The following NREP variants were observed in gnomAD, a reference collection of about 807,000 sequenced individuals.
NREP encodes neuronal regeneration-related protein.
A neutral mutation model predicts 8.6 loss-of-function variants in NREP; 5 were observed. That is an observed-to-expected ratio of 0.58 (90% CI 0.30 to 1.22). The LOEUF is 1.22. Among genes scored for constraint, NREP ranks in the 50% most tolerant of loss-of-function variants. The pLI is 0.07. For synonymous variants in NREP, 27 were observed against 28.0 expected, an observed-to-expected ratio of 0.96 and a Z score of 0.11; for missense variants, 86 against 82.5, an observed-to-expected ratio of 1.04 and a Z score of -0.17.
At chr5:111,786,746 G>C (rs1310499407) in intron 2 of NREP, among the ~76,000 whole-genome samples, 2 of 152,154 alleles carry the variant, frequency 1.3e-5, no homozygotes, top group Non-Finnish European at 2.9e-5. Flanking sequence ...AGGATCTTTT[G>C]AGATTTATCA....
chr5:111,913,313 C>G (rs1754965425), intron 2 of NREP, among the ~76,000 whole-genome samples: 1 of 152,086 alleles, frequency 6.6e-6, no homozygotes, highest in African/African-American at 2.4e-5. Flanking sequence ...AAATATCCTT[C>G]TAAAATTTTT....
At chr5:111,837,921 T>C (rs1752935272) in intron 2 of NREP, among the ~76,000 whole-genome samples, 1 of 152,000 alleles carries the variant, frequency 6.6e-6, no homozygotes, top group Non-Finnish European at 1.5e-5. Context: ...ATATAATACT[T>C]TCTACTGTTA....
chr5:111,875,099 A>G (rs17133840), intron 2 of NREP, among the ~76,000 whole-genome samples: 2,479 of 152,306 alleles, frequency 0.016, 43 homozygotes, highest in African/African-American at 0.041. Context: ...AAATGGGGAT[A>G]AGCAGTGAAA....
At chr5:111,742,665 G>T (rs995014066) in intron 2 of NREP, among the ~76,000 whole-genome samples, 1 of 152,206 alleles carries the variant, frequency 6.6e-6, no homozygotes, top group Middle Eastern at 3.4e-3. Context: ...CATTCATTAC[G>T]TGAGTTTTCT....
chr5:111,741,591 T>A (rs1749668155), intron 2 of NREP, among the ~76,000 whole-genome samples: 1 of 152,126 alleles, frequency 6.6e-6, no homozygotes, highest in African/African-American at 2.4e-5. Context: ...GACGTAGTCT[T>A]AGAGATCTGC....
chr5:111,735,629 A>C (rs1319732979), intron 2 of NREP, 122 bp from the exon 3 acceptor site: 2 of 644,600 alleles, frequency 3.1e-6, no homozygotes, highest in African/African-American at 1.8e-5. Context: ...TACCACTTAG[A>C]GCACTGGGGA....
In NREP at chr5:111,767,144, G is replaced by T. The variant is rs561673909; in HGVS notation, c.136-31637C>A. Among the ~76,000 whole-genome samples the T allele has an allele frequency of 3.9e-5, 6 of 152,274 alleles. No homozygotes were observed. The South Asian group carries it at 1.0e-3, about 26-fold the overall frequency. On this transcript the variant is annotated intron_variant, in intron 2 of 3. Coordinates refer to the NREP transcript ENST00000395634. Reference sequence around the variant, plus strand: ...TTTTTATTTCAACTTGGGTTAGGCTGATCTGAGGTTAGATAGAATATGAAG... The same window carrying T: ...TTTTTATTTCAACTTGGGTTAGGCTTATCTGAGGTTAGATAGAATATGAAG...
intron 2 of NREP, among the ~76,000 whole-genome samples, chr5:111,955,799 T>C (rs1316270951): frequency 2.0e-5 from 3 of 151,404 alleles, no homozygotes; most frequent in Non-Finnish European, 4.4e-5. Flanking sequence ...CAACCCACGG[T>C]GTAAGAGGCA....
intron 2 of NREP, chr5:111,846,690 G>A (rs1337367603): frequency 6.6e-6 from 1 of 151,812 alleles, no homozygotes; most frequent in Non-Finnish European, 1.5e-5. Context: ...TCTCCTTTGA[G>A]TTTTCCTAAT....
rs528678511 is a variant in NREP at position 111,842,350 on chromosome 5, G to A, written c.136-106843C>T. ...TTTCAAGGGTAGCAGAATATTGTGAGTTTAGTTAAGGAGAAACTAGCACCA... is the reference window on the plus strand; with the variant it reads ...TTTCAAGGGTAGCAGAATATTGTGAATTTAGTTAAGGAGAAACTAGCACCA... On this transcript the variant is annotated intron_variant, in intron 2 of 3. Coordinates refer to the NREP transcript ENST00000395634. Among the ~76,000 whole-genome samples, 3 of 152,282 alleles carry A rather than the reference G, an allele frequency of 2.0e-5. No individual in the cohort carries two copies. In the East Asian group the frequency reaches 5.8e-4, roughly 29 times the overall value.
intron 2 of NREP, among the ~76,000 whole-genome samples, chr5:111,800,229 G>T (rs1751973675): frequency 6.6e-6 from 1 of 152,122 alleles, no homozygotes; most frequent in South Asian, 2.1e-4. Flanking sequence ...CACACGGTTT[G>T]AAATGTAATT....
chr5:111,735,638 G>GA, intron 2 of NREP, 131 bp from the exon 3 acceptor site: 1 of 610,586 alleles, frequency 1.6e-6, no homozygotes, highest in Non-Finnish European at 2.9e-6. Flanking sequence ...GAGCACTGGG[G>GA]AAACCATTAA....
At chr5:111,850,644 G>A (rs1161457704) in intron 2 of NREP, among the ~76,000 whole-genome samples, 3 of 151,794 alleles carry the variant, frequency 2.0e-5, no homozygotes, top group Non-Finnish European at 2.9e-5. Flanking sequence ...AGTTATATTC[G>A]GTTCTTCCTA....
intron 2 of NREP, among the ~76,000 whole-genome samples, chr5:111,791,611 G>T (rs1751749318): frequency 6.6e-6 from 1 of 152,060 alleles, no homozygotes. Context: ...CCGAGTAGCT[G>T]GGACTATAGG....
Position 111,729,935 on chromosome 5 carries a change from G to T in NREP, c.*986C>A, listed in dbSNP as rs889186046. 1.3e-5 allele frequency: 2 copies of T among 152,460 alleles called. No homozygotes were observed. Among genetic ancestry groups the T allele is most frequent in the South Asian group, 4.2e-4 (2 of 4,814 alleles). 9.4% of individuals were successfully genotyped at this position (152,460 alleles called of 1,614,324 possible). A position where few individuals can be genotyped will look rare whatever the true frequency, so the allele number is the denominator to read the frequency against. ...CCAGTGTTTTGGGTTTTTTTCCAGG[G>T]GGAGTTTATTTAAAACGGTTTTGCT... On this transcript the variant is annotated 3_prime_UTR_variant, in exon 4 of 4. Coordinates refer to ENST00000257435, the MANE Select transcript of NREP (RefSeq NM_004772.4).
chr5:111,795,260 G>C (rs1388832817), intron 2 of NREP, among the ~76,000 whole-genome samples: 1 of 152,194 alleles, frequency 6.6e-6, no homozygotes, highest in African/African-American at 2.4e-5. Context: ...TCAGCGGCTA[G>C]GGAGTGGACT....
chr5:111,745,511 G>T (rs549426614), intron 2 of NREP, among the ~76,000 whole-genome samples: 1 of 152,266 alleles, frequency 6.6e-6, no homozygotes, highest in East Asian at 1.9e-4. Flanking sequence ...TGAGAAACCA[G>T]ATTGTTTTAT....
chr5:111,844,041 G>A (rs1029701947), intron 2 of NREP, among the ~76,000 whole-genome samples: 3 of 152,088 alleles, frequency 2.0e-5, no homozygotes, highest in East Asian at 1.9e-4. Context: ...ACAAGTATAG[G>A]TATAATAGAA....
At chr5:111,740,392 G>GGTAA (rs1234759093) in intron 2 of NREP, among the ~76,000 whole-genome samples, 1 of 151,902 alleles carries the variant, frequency 6.6e-6, no homozygotes, top group African/African-American at 2.4e-5. Flanking sequence ...TTGATAGTTG[G>GGTAA]GTAAGTTTCA....
Sources: allele counts gnomAD v4.1 joint callset (sites outside exome capture counted in the v4.1 genomes callset), GRCh38; gene constraint gnomAD v4.1.1; transcripts MANE v1.5; gene names NCBI Gene and HGNC (gene_info 2026-07-23, HGNC 2026-07-21).